ADGRL4: variants seen among roughly 807,000 people sequenced by gnomAD.
ADGRL4 encodes the protein EGF, latrophilin and seven transmembrane domain containing 1.
A neutral mutation model predicts 74.8 loss-of-function variants in ADGRL4; 90 were observed. The observed-to-expected ratio is 1.20, with a 90% CI of 1.02 to 1.43. ADGRL4 has a LOEUF of 1.43. Among genes scored for constraint, ADGRL4 ranks in the 40% most tolerant of loss-of-function variants. The pLI is 0.00. For missense variants in ADGRL4, 881 were observed against 814.3 expected (o/e 1.08, Z -1.00); for synonymous variants, 311 against 279.2 (o/e 1.11, Z -1.14).
chr1:78,979,956 G>T (rs188941405), intron 2 of ADGRL4, among the ~76,000 whole-genome samples: 1 of 151,896 alleles, frequency 6.6e-6, no homozygotes, highest in East Asian at 1.9e-4. Context: ...TTGAATCACA[G>T]GTGCACCAAA....
intron 7 of ADGRL4, among the ~76,000 whole-genome samples, chr1:78,933,462 C>T (rs1649289206): frequency 1.3e-5 from 2 of 151,538 alleles, no homozygotes; most frequent in East Asian, 3.9e-4. Flanking sequence ...GACAAACCCA[C>T]AGCCAATATC....
intron 12 of ADGRL4, among the ~76,000 whole-genome samples, chr1:78,910,076 A>G (rs1167476788): frequency 6.6e-6 from 1 of 151,844 alleles, no homozygotes; most frequent in Non-Finnish European, 1.5e-5. Flanking sequence ...AAAAGGATAC[A>G]GAGTAAATAT....
chr1:78,932,985 A>T (rs910329956), intron 7 of ADGRL4, among the ~76,000 whole-genome samples: 1 of 151,498 alleles, frequency 6.6e-6, no homozygotes, highest in Non-Finnish European at 1.5e-5. Flanking sequence ...AGCCTCTGGA[A>T]TTCTACCAGA....
intron 2 of ADGRL4, among the ~76,000 whole-genome samples, chr1:78,972,103 T>C (rs1650182246): frequency 6.6e-6 from 1 of 152,202 alleles, no homozygotes; most frequent in African/African-American, 2.4e-5. Context: ...AAGTAGCACA[T>C]GTAGATGCCA....
intron 2 of ADGRL4, among the ~76,000 whole-genome samples, chr1:78,977,499 G>A (rs569788871): frequency 1.3e-5 from 2 of 151,924 alleles, no homozygotes; most frequent in South Asian, 4.2e-4. Flanking sequence ...AAATGCAAAG[G>A]ACTAAATATA....
intron 13 of ADGRL4, 24 bp downstream of exon 13, chr1:78,893,074 A>AAT: frequency 7.1e-7 from 1 of 1,407,864 alleles, no homozygotes; most frequent in Non-Finnish European, 9.7e-7. Flanking sequence ...AAAAAAAAAA[A>AAT]AGTGAACTTA....
chr1:78,918,615 C>A (rs775674501), intron 10 of ADGRL4, among the ~76,000 whole-genome samples: 14 of 151,766 alleles, frequency 9.2e-5, no homozygotes, highest in Non-Finnish European at 2.1e-4. Context: ...CTTAAACATA[C>A]TTTTCAGTGT....
At chr1:78,982,571 C>T (rs1333018098) in intron 2 of ADGRL4, among the ~76,000 whole-genome samples, 1 of 151,834 alleles carries the variant, frequency 6.6e-6, no homozygotes, top group East Asian at 1.9e-4. Context: ...TTCCTTTATG[C>T]TCATAAGATT....
chr1:78,938,942 T>C (rs61770699), intron 4 of ADGRL4, among the ~76,000 whole-genome samples: 11,156 of 152,132 alleles, frequency 0.073, 473 homozygotes, highest in African/African-American at 0.11. Flanking sequence ...AAAAGAATTT[T>C]CCAACATATG....
chr1:78,968,203 C>A (rs574844448), intron 2 of ADGRL4, among the ~76,000 whole-genome samples: 1 of 152,036 alleles, frequency 6.6e-6, no homozygotes, highest in South Asian at 2.1e-4. Context: ...ACAGAGATAA[C>A]CAAACTTTTT....
Position 78,976,625 on chromosome 1 carries a change from C to T in ADGRL4, c.172+28445G>A, listed in dbSNP as rs1381215712. The stretch of plus-strand genomic sequence containing the variant: ...AGACCTTTGATTGTGTATGGAAAAA[C>T]TTAAAATATTTACTTTCTGAATCTT... On this transcript the variant is annotated intron_variant, in intron 2 of 14. Transcript: ENST00000370742. Among the ~76,000 whole-genome samples, 4 of 151,274 alleles carry T rather than the reference C, an allele frequency of 2.6e-5. No homozygotes were observed. The East Asian group carries it at 7.8e-4, about 29-fold the overall frequency.
chr1:78,974,263 A>G (rs766487304), intron 2 of ADGRL4, among the ~76,000 whole-genome samples: 11 of 152,186 alleles, frequency 7.2e-5, no homozygotes, highest in Non-Finnish European at 1.6e-4. Flanking sequence ...CCTTCTATGT[A>G]TATCAGCCTG....
chr1:78,937,298 A>T (rs1649375543), intron 6 of ADGRL4, among the ~76,000 whole-genome samples: 1 of 152,164 alleles, frequency 6.6e-6, no homozygotes, highest in Non-Finnish European at 1.5e-5. Context: ...AACAAAAATT[A>T]GCCAGGTGTG....
At chr1:78,922,789 T>C (rs1385180283) in intron 8 of ADGRL4, among the ~76,000 whole-genome samples, 1 of 151,942 alleles carries the variant, frequency 6.6e-6, no homozygotes, top group Non-Finnish European at 1.5e-5. Flanking sequence ...GATGGAGTAA[T>C]ATAGAATCAA....
intron 2 of ADGRL4, among the ~76,000 whole-genome samples, chr1:78,969,376 G>C (rs1027886594): frequency 1.3e-5 from 2 of 152,152 alleles, no homozygotes; most frequent in African/African-American, 4.8e-5. Context: ...CTCTTGGGGA[G>C]AAACTTGCCT....
chr1:78,940,805 T>G (rs1256996781), intron 3 of ADGRL4, among the ~76,000 whole-genome samples: 1 of 152,158 alleles, frequency 6.6e-6, no homozygotes, highest in Non-Finnish European at 1.5e-5. Flanking sequence ...TAAATGCAGG[T>G]GTTCGTAATT....
At chr1:78,994,956 C>A (rs1650684131) in intron 2 of ADGRL4, among the ~76,000 whole-genome samples, 1 of 152,174 alleles carries the variant, frequency 6.6e-6, no homozygotes, top group Admixed American at 6.5e-5. Flanking sequence ...ACTCGTTAAG[C>A]AAAGATCTTT....
chr1:78,908,954 G>A (rs1648701863), intron 12 of ADGRL4, among the ~76,000 whole-genome samples: 1 of 151,710 alleles, frequency 6.6e-6, no homozygotes, highest in Non-Finnish European at 1.5e-5. Context: ...TATTATTTAT[G>A]TTTTTATATA....
intron 2 of ADGRL4, among the ~76,000 whole-genome samples, chr1:78,999,792 C>A (rs1411885029): frequency 2.6e-5 from 2 of 75,718 alleles, no homozygotes; most frequent in Admixed American, 1.5e-4. Flanking sequence ...ATAGTTATAT[C>A]TATCTATCTA....
Sources: gnomAD v4.1 joint callset for allele counts (sites outside exome capture counted in the v4.1 genomes callset) on GRCh38, gnomAD v4.1.1 for gene constraint, MANE v1.5 for transcripts, NCBI Gene and HGNC (gene_info 2026-07-23, HGNC 2026-07-21) for gene names.